Variants in DLG2 observed in about 807,000 individuals in gnomAD.
The protein encoded by DLG2 is disks large homolog 2.
A neutral mutation model predicts 132.5 loss-of-function variants in DLG2; 45 were observed. The ratio of observed to expected loss-of-function variants is 0.34; its 90% confidence interval spans 0.27 to 0.44. The LOEUF (loss-of-function observed/expected upper bound fraction) is 0.44. DLG2 is among the 20% of genes least tolerant of loss of function. The pLI, the probability that DLG2 is intolerant of heterozygous loss-of-function variation, is 1.00. For missense variants in DLG2, 1,045 were observed against 1,196.9 expected, an observed-to-expected ratio of 0.87 and a Z score of 1.87; for synonymous variants, 424 against 419.6, an observed-to-expected ratio of 1.01 and a Z score of -0.13.
intron 7 of DLG2, among the ~76,000 whole-genome samples, chr11:84,409,607 C>A (rs771494607): frequency 6.6e-6 from 1 of 152,066 alleles, no homozygotes; most frequent in Non-Finnish European, 1.5e-5. Flanking sequence ...AGACAATAAG[C>A]TTTATGTAAA....
chr11:83,559,827 T>C (rs1056961466), intron 19 of DLG2, among the ~76,000 whole-genome samples: 1 of 152,094 alleles, frequency 6.6e-6, no homozygotes, highest in Non-Finnish European at 1.5e-5. Context: ...CCAAATTGGA[T>C]GCTAAAGACA....
At chr11:84,848,399 CAGG>C (rs1431658179) in intron 6 of DLG2, among the ~76,000 whole-genome samples, 1 of 152,022 alleles carries the variant, frequency 6.6e-6, no homozygotes, top group Non-Finnish European at 1.5e-5. Flanking sequence ...GAGGCTGAGG[CAGG>C]AGAATCACTT....
At chr11:84,747,308 T>A (rs778791513) in intron 6 of DLG2, among the ~76,000 whole-genome samples, 7 of 152,180 alleles carry the variant, frequency 4.6e-5, no homozygotes, top group African/African-American at 1.2e-4. Flanking sequence ...TACATATTCA[T>A]ACATATTCAC....
intron 6 of DLG2, among the ~76,000 whole-genome samples, chr11:84,703,857 G>GAT (rs5793132): frequency 0.12 from 12,210 of 102,424 alleles, 872 homozygotes; most frequent in Non-Finnish European, 0.16. Context: ...ATGTAGTGAA[G>GAT]ATATATATAT....
chr11:83,735,567 G>A (rs1305358304), intron 18 of DLG2, among the ~76,000 whole-genome samples: 1 of 152,128 alleles, frequency 6.6e-6, no homozygotes, highest in East Asian at 1.9e-4. Context: ...CACATAATTT[G>A]CACTCTGACT....
Position 84,518,289 on chromosome 11 carries a change from T to C in DLG2, c.519+16281A>G, listed in dbSNP as rs1176121153. On this transcript the variant is annotated intron_variant, in intron 7 of 27. Transcript: ENST00000376104. ...GAATGATTTTTGAGTTTTACCAAAT[T>C]TTTAACAACGTGCAAGACAGAGCTG... Among the ~76,000 whole-genome samples the C allele has an allele frequency of 1.6e-4, 14 of 89,818 alleles. 3 individuals carry two copies. Among genetic ancestry groups the C allele is most frequent in the Non-Finnish European group, 3.1e-4 (12 of 39,264 alleles). The allele number at this position is 89,818 out of a possible 152,430, so 58.9% of individuals were successfully genotyped here. A position where few individuals can be genotyped will look rare whatever the true frequency, so the allele number is the denominator to read the frequency against.
intron 21 of DLG2, among the ~76,000 whole-genome samples, chr11:83,499,465 T>G (rs2094327113): frequency 6.6e-6 from 1 of 152,112 alleles, no homozygotes; most frequent in Non-Finnish European, 1.5e-5. Context: ...AAATTATGAA[T>G]AGTTTAAAAG....
chr11:85,369,717 T>C (rs1479673089), intron 3 of DLG2, among the ~76,000 whole-genome samples: 2 of 152,148 alleles, frequency 1.3e-5, no homozygotes, highest in Non-Finnish European at 2.9e-5. Flanking sequence ...GGGGATGAGC[T>C]CTCTCTGGTT....
chr11:84,609,328 G>A (rs556616305), intron 6 of DLG2, among the ~76,000 whole-genome samples: 1 of 152,182 alleles, frequency 6.6e-6, no homozygotes, highest in East Asian at 1.9e-4. Context: ...TACCTATAAA[G>A]TACTAAAAAC....
intron 4 of DLG2, among the ~76,000 whole-genome samples, chr11:85,168,733 A>C (rs1595024559): frequency 6.6e-6 from 1 of 152,156 alleles, no homozygotes; most frequent in East Asian, 1.9e-4. Context: ...GAAATAGGAC[A>C]AAAAATATCA....
At chr11:84,721,283 G>C (rs1345419878) in intron 6 of DLG2, among the ~76,000 whole-genome samples, 2 of 152,180 alleles carry the variant, frequency 1.3e-5, no homozygotes, top group African/African-American at 4.8e-5. Context: ...GGTGCCCTAC[G>C]AGGTTGACTT....
intron 6 of DLG2, among the ~76,000 whole-genome samples, chr11:84,851,583 C>T (rs537011849): frequency 6.6e-6 from 1 of 152,134 alleles, no homozygotes; most frequent in African/African-American, 2.4e-5. Flanking sequence ...CTTTGTACCA[C>T]CTATGACCAT....
At chr11:84,847,770 G>A (rs1401507842) in intron 6 of DLG2, among the ~76,000 whole-genome samples, 5 of 152,124 alleles carry the variant, frequency 3.3e-5, no homozygotes, top group Admixed American at 3.3e-4. Context: ...GATTCTCAAT[G>A]ATATTGCCCC....
chr11:84,292,955 A>C (rs1440611414), intron 7 of DLG2, among the ~76,000 whole-genome samples: 2 of 152,230 alleles, frequency 1.3e-5, no homozygotes, highest in Non-Finnish European at 2.9e-5. Context: ...ATATTTTAAG[A>C]AAGTTTACAA....
chr11:84,586,613 G>C (rs893368331), intron 6 of DLG2, among the ~76,000 whole-genome samples: 1 of 151,980 alleles, frequency 6.6e-6, no homozygotes, highest in African/African-American at 2.4e-5. Flanking sequence ...ATATTTGTAT[G>C]AATATTGTTA....
At chr11:85,040,219 A>C (rs1217908281) in intron 6 of DLG2, among the ~76,000 whole-genome samples, 1 of 151,964 alleles carries the variant, frequency 6.6e-6, no homozygotes, top group East Asian at 1.9e-4. Flanking sequence ...CTCCTGGAAA[A>C]GTCAATGTTA....
intron 6 of DLG2, among the ~76,000 whole-genome samples, chr11:84,699,602 C>T (rs2058992930): frequency 6.6e-6 from 1 of 151,498 alleles, no homozygotes; most frequent in African/African-American, 2.4e-5. Flanking sequence ...ACCTAGAGCT[C>T]TGATGTCTTG....
chr11:83,552,758 T>A (rs1001783987), intron 19 of DLG2, among the ~76,000 whole-genome samples: 1 of 152,230 alleles, frequency 6.6e-6, no homozygotes, highest in Non-Finnish European at 1.5e-5. Context: ...TAGACACACA[T>A]GACCACAATT....
At chr11:83,960,968 G>A (rs1021672736) in intron 14 of DLG2, among the ~76,000 whole-genome samples, 3 of 151,942 alleles carry the variant, frequency 2.0e-5, no homozygotes, top group African/African-American at 7.2e-5. Flanking sequence ...CTGTCCTCTA[G>A]GGGAACAGGA....
Sources: gnomAD v4.1 joint callset for allele counts (sites outside exome capture counted in the v4.1 genomes callset) on GRCh38, gnomAD v4.1.1 for gene constraint, MANE v1.5 for transcripts, NCBI Gene and HGNC (gene_info 2026-07-23, HGNC 2026-07-21) for gene names.